MRPL20: variants seen among roughly 807,000 people sequenced by gnomAD.
The protein encoded by MRPL20 is mitochondrial ribosomal protein L20, also known as large ribosomal subunit protein bL20m.
Under a neutral mutation model 20.0 loss-of-function variants are expected in MRPL20, and 21 were observed. The observed-to-expected ratio is 1.05, with a 90% CI of 0.74 to 1.51. The LOEUF is 1.51. Among genes scored for constraint, MRPL20 ranks in the 40% most tolerant of loss-of-function variants. MRPL20 has a pLI of 0.00. For synonymous variants in MRPL20, 104 were observed against 73.0 expected, an observed-to-expected ratio of 1.43 and a Z score of -2.17; for missense variants, 252 against 185.6, an observed-to-expected ratio of 1.36 and a Z score of -2.08.
chr1:1,403,609 C>T (rs1295326749), intron 3 of MRPL20, among the ~76,000 whole-genome samples: 1 of 151,886 alleles, frequency 6.6e-6, no homozygotes, highest in African/African-American at 2.4e-5. Flanking sequence ...CTAAGCCTAC[C>T]CTGAAGATCT....
At chr1:1,405,490 G>T in intron 3 of MRPL20, 1 of 602,752 alleles carries the variant, frequency 1.7e-6, no homozygotes, top group Non-Finnish European at 3.0e-6. Context: ...TGCCCAGGCT[G>T]TTGCTGGCAC....
At chr1:1,407,097 CGCCCAGT>C in intron 1 of MRPL20, 27 bp downstream of exon 1, 2 of 1,608,758 alleles carry the variant, frequency 1.2e-6, no homozygotes, top group Non-Finnish European at 1.7e-6. Flanking sequence ...ATACCCCGGG[CGCCCAGT>C]GCCCAGGCCG....
At chr1:1,403,884 C>G (rs772529078) in intron 3 of MRPL20, among the ~76,000 whole-genome samples, 3 of 152,168 alleles carry the variant, frequency 2.0e-5, no homozygotes, top group South Asian at 2.1e-4. Flanking sequence ...CACTGTCGCC[C>G]ACGCTGGAGT....
chr1:1,405,893 T>C lies in MRPL20; in HGVS notation c.199-7A>G. Reference sequence around the variant, plus strand: ...TAATTCGATTAATCCAGAGCTGAAATAAGAAAACATGAAGATACTTAAAAA... The same window carrying C: ...TAATTCGATTAATCCAGAGCTGAAACAAGAAAACATGAAGATACTTAAAAA... On this transcript the variant is annotated splice_region_variant and splice_polypyrimidine_tract_variant and intron_variant, in intron 2 of 3. Transcript: ENST00000344843. The C allele has an allele frequency of 6.2e-7, 1 of 1,604,836 alleles. No homozygotes were observed. The highest frequency in any genetic ancestry group is 8.5e-7 in the Non-Finnish European group (1 of 1,173,144).
chr1:1,406,647 C>T, intron 2 of MRPL20: 1 of 511,942 alleles, frequency 2.0e-6, no homozygotes, highest in Non-Finnish European at 3.5e-6. Flanking sequence ...TGGCTGGCGA[C>T]GCAGGGAGAG....
chr1:1,406,829 T>C, intron 2 of MRPL20, 80 bp downstream of exon 2: 1 of 1,246,356 alleles, frequency 8.0e-7, no homozygotes, highest in Non-Finnish European at 1.2e-6. Context: ...GCCGGGCGGC[T>C]GCACACTAGC....
chr1:1,407,170 G>A lies in MRPL20; in HGVS notation c.48C>T (p.Asp16=), dbSNP rs1312586719. Residue 16 remains aspartate, a synonymous_variant, in exon 1 of 4, where the codon GAC becomes GAT. Transcript: ENST00000344843. ...GCACCTCCTGGATCCGAAAGTAGCG[G>A]TCGGTGACGCGATTCCGCAGCCAGA... ...AQLWLRNRVT[D]RYFRIQEVLK... 1 of 1,607,988 alleles carries A rather than the reference G, an allele frequency of 6.2e-7. No homozygotes were observed. Among genetic ancestry groups the A allele is most frequent in the Admixed American group, 1.7e-5 (1 of 59,272 alleles).
At chr1:1,403,118 G>T (rs1645348384) in intron 3 of MRPL20, among the ~76,000 whole-genome samples, 1 of 125,850 alleles carries the variant, frequency 7.9e-6, no homozygotes. Flanking sequence ...AACAGAGTGA[G>T]ATTGTATCCA....
rs763094649 is a variant in MRPL20, at chr1:1,407,262, A to C, written c.-45T>G. 1.9e-5 allele frequency: 28 copies of C among 1,501,458 alleles called. No homozygotes were observed. Among genetic ancestry groups the C allele is most frequent in the East Asian group, 1.2e-4 (5 of 41,004 alleles). 93.0% of individuals were successfully genotyped at this position (1,501,458 alleles called of 1,614,324 possible). ...CCCGAACACTCAACAACGCACGCGCAGCGCCGCTGCCATCTTGCCCGGGTC... is the reference window on the plus strand; with the variant it reads ...CCCGAACACTCAACAACGCACGCGCCGCGCCGCTGCCATCTTGCCCGGGTC... On this transcript the variant is annotated 5_prime_UTR_variant, in exon 1 of 4. Coordinates refer to ENST00000344843, the MANE Select transcript of MRPL20 (RefSeq NM_017971.4).
At chr1:1,402,675 C>G (rs1298474211) in intron 3 of MRPL20, 2 of 952,236 alleles carry the variant, frequency 2.1e-6, no homozygotes, top group Non-Finnish European at 2.5e-6. Context: ...GGGGGGCCGT[C>G]TCTTTGAGCA....
chr1:1,406,664 G>A (rs548387149), intron 2 of MRPL20: 7 of 544,926 alleles, frequency 1.3e-5, no homozygotes, highest in African/African-American at 5.7e-5. Flanking sequence ...AGAGTGTCAA[G>A]GCGGCTCTGC....
Position 1,402,102 on chromosome 1 carries a change from C to T in MRPL20, c.431G>A (p.Arg144Lys), listed in dbSNP as rs547600708. Reference sequence around the variant, plus strand: ...CAGTCCTCAGTGGTACTGCACCACTCTGGAAAAAATGCCTTCAGGTTCCTT... The same window carrying T: ...CAGTCCTCAGTGGTACTGCACCACTTTGGAAAAAATGCCTTCAGGTTCCTT... ...DGKEPEGIFS[R>K]VVQYH The change falls in exon 4 of 4, where the codon AGA becomes AAA. Residue 144 changes from arginine to lysine, a missense_variant. Physicochemically the swap from Arg to Lys is conservative, Grantham distance 26. Transcript: ENST00000344843. The T allele has an allele frequency of 1.0e-4, 163 of 1,614,026 alleles. 2 individuals are homozygous for T. The South Asian group carries it at 1.7e-3, about 17-fold the overall frequency.
chr1:1,405,011 A>T (rs1553191441), intron 3 of MRPL20: 1 of 152,126 alleles, frequency 6.6e-6, no homozygotes, highest in Non-Finnish European at 1.5e-5. Context: ...ACTTTTAGAG[A>T]TGGAGTCTTG....
intron 2 of MRPL20, 65 bp from the exon 3 acceptor site, chr1:1,405,951 C>T (rs556821706): frequency 2.0e-5 from 31 of 1,554,660 alleles, no homozygotes; most frequent in Non-Finnish European, 2.7e-5. Flanking sequence ...AGCAAAGCCT[C>T]TAATTGATCT....
In MRPL20 at chr1:1,407,251, A is replaced by C; in HGVS notation, c.-34T>G. 1 of 1,538,002 alleles carries C rather than the reference A, an allele frequency of 6.5e-7. No homozygotes were observed. The highest frequency in any genetic ancestry group is 8.8e-7 in the Non-Finnish European group (1 of 1,130,652). On this transcript the variant is annotated 5_prime_UTR_variant, in exon 1 of 4. Transcript: ENST00000344843. ...CAGGCCGGCGTCCCGAACACTCAACAACGCACGCGCAGCGCCGCTGCCATC... is the reference window on the plus strand; with the variant it reads ...CAGGCCGGCGTCCCGAACACTCAACCACGCACGCGCAGCGCCGCTGCCATC...
intron 3 of MRPL20, 135 bp downstream of exon 3, chr1:1,405,674 C>T (rs775766093): frequency 2.0e-6 from 3 of 1,493,970 alleles, no homozygotes; most frequent in Non-Finnish European, 2.8e-6. Flanking sequence ...AAACTACAGC[C>T]CAGAAGTCAG....
intron 3 of MRPL20, 94 bp from the exon 4 acceptor site, chr1:1,402,350 C>T: frequency 1.4e-6 from 2 of 1,479,022 alleles, no homozygotes; most frequent in Non-Finnish European, 8.9e-7. Context: ...AACCCAGCTG[C>T]ACACTCGCCT....
At chr1:1,403,405 G>C (rs1570064958) in intron 3 of MRPL20, among the ~76,000 whole-genome samples, 3 of 151,626 alleles carry the variant, frequency 2.0e-5, no homozygotes, top group Admixed American at 2.0e-4. Context: ...CACCGCACCT[G>C]GCTACTTTTT....
At chr1:1,402,647 A>G in intron 3 of MRPL20, 1 of 994,110 alleles carries the variant, frequency 1.0e-6, no homozygotes, top group Non-Finnish European at 1.2e-6. Context: ...ACAATGCCAG[A>G]GTTTAAGGAG....
Sources: allele counts gnomAD v4.1 joint callset (sites outside exome capture counted in the v4.1 genomes callset), GRCh38; gene constraint gnomAD v4.1.1; transcripts MANE v1.5; gene names NCBI Gene and HGNC (gene_info 2026-07-23, HGNC 2026-07-21).